The following FLT3 variants were observed in gnomAD, a reference collection of about 807,000 sequenced individuals.
The protein encoded by FLT3 is receptor-type tyrosine-protein kinase FLT3.
Under a neutral mutation model 126.6 loss-of-function variants are expected in FLT3, and 46 were observed. That is an observed-to-expected ratio of 0.36 (90% CI 0.29 to 0.46). The LOEUF is 0.46. FLT3 is among the 20% of genes least tolerant of loss of function. The pLI, the probability that FLT3 is intolerant of heterozygous loss-of-function variation, is 1.00. For missense variants in FLT3, 1,069 were observed against 1,190.3 expected (o/e 0.90, Z 1.50); for synonymous variants, 404 against 434.4 (o/e 0.93, Z 0.87).
At chr13:28,054,289 T>C (rs1164826243) in intron 4 of FLT3, among the ~76,000 whole-genome samples, 1 of 152,194 alleles carries the variant, frequency 6.6e-6, no homozygotes, top group Non-Finnish European at 1.5e-5. Context: ...GGTATTTCAT[T>C]GTGGTCTTAA....
At chr13:28,091,369 C>G (rs922954528) in intron 1 of FLT3, among the ~76,000 whole-genome samples, 1 of 149,080 alleles carries the variant, frequency 6.7e-6, no homozygotes, top group Admixed American at 6.7e-5. Flanking sequence ...CTACAGGCGC[C>G]CGCCACCACG....
chr13:28,028,497 G>C (rs894063267), intron 15 of FLT3, among the ~76,000 whole-genome samples: 1 of 152,090 alleles, frequency 6.6e-6, no homozygotes, highest in Non-Finnish European at 1.5e-5. Context: ...AGAAGTTCAA[G>C]ACTGGCCTGG....
chr13:28,072,396 T>G (rs1041055837), intron 1 of FLT3, among the ~76,000 whole-genome samples: 3 of 152,070 alleles, frequency 2.0e-5, no homozygotes, highest in South Asian at 2.1e-4. Context: ...TCGCTCTCTC[T>G]CTCTCTTTTT....
At chr13:28,063,895 A>G (rs1020959443) in intron 2 of FLT3, among the ~76,000 whole-genome samples, 3 of 152,206 alleles carry the variant, frequency 2.0e-5, no homozygotes, top group Admixed American at 1.3e-4. Flanking sequence ...GGGAGAAGAG[A>G]TTTCTAAGCC....
At chr13:28,045,854 C>A (rs1375414700) in intron 9 of FLT3, among the ~76,000 whole-genome samples, 117 of 125,744 alleles carry the variant, frequency 9.3e-4, no homozygotes, top group Non-Finnish European at 1.1e-3. Context: ...GACTCTGTCT[C>A]AAAAAAAAAA....
Position 28,100,374 on chromosome 13 carries a change from C to A in FLT3, c.43+94G>T, listed in dbSNP as rs1593317258. On this transcript the variant is annotated intron_variant, in intron 1 of 23. Coordinates refer to ENST00000241453, the MANE Select transcript of FLT3 (RefSeq NM_004119.3). The surrounding 1 kb of genome is among the most constrained non-coding windows in gnomAD (Gnocchi z 4.8). The stretch of plus-strand genomic sequence containing the variant: ...GGAGCGAGCGCGGGGAGGAGCGAGG[C>A]GGCTGGGCCGGAGGAGGCGCGCGCC... 4.6e-6 allele frequency: 4 copies of A among 864,846 alleles called. No homozygotes were observed. In the East Asian group the frequency reaches 1.1e-4, roughly 24 times the overall value. 53.6% of individuals were successfully genotyped at this position (864,846 alleles called of 1,614,324 possible).
intron 1 of FLT3, among the ~76,000 whole-genome samples, chr13:28,093,602 A>G (rs4334131): frequency 0.021 from 3,217 of 151,888 alleles, 71 homozygotes; most frequent in African/African-American, 0.061. Flanking sequence ...ATCTGTGGAA[A>G]ACTCCATTTG....
intron 17 of FLT3, among the ~76,000 whole-genome samples, chr13:28,026,167 A>C (rs976719722): frequency 2.0e-5 from 3 of 152,028 alleles, no homozygotes; most frequent in Non-Finnish European, 4.4e-5. Flanking sequence ...CCTGACCAAC[A>C]TGGTGAAACC....
intron 1 of FLT3, among the ~76,000 whole-genome samples, chr13:28,073,940 TAAA>T (rs747529463): frequency 3.8e-5 from 5 of 132,520 alleles, no homozygotes; most frequent in Admixed American, 1.5e-4. Context: ...ATCCTGCCTC[TAAA>T]AAAAAAAAAA....
In FLT3 at chr13:28,020,145, A is replaced by G. The variant is rs376396282; in HGVS notation, c.2419-1556T>C. Among the ~76,000 whole-genome samples the G allele has an allele frequency of 1.8e-3, 267 of 151,962 alleles. 2 individuals are homozygous for G. Among genetic ancestry groups the G allele is most frequent in the African/African-American group, 5.5e-3 (228 of 41,426 alleles). ...GATTCCATGCTTCCTATCCTATCCC[A>G]CATTCCCTGCTGGTTTTCCTTTTCC... is the stretch of plus-strand genomic sequence containing the variant. On this transcript the variant is annotated intron_variant, in intron 19 of 23. Coordinates refer to ENST00000241453, the MANE Select transcript of FLT3 (RefSeq NM_004119.3).
At chr13:28,033,290 T>C (rs1873519353) in intron 15 of FLT3, among the ~76,000 whole-genome samples, 1 of 41,680 alleles carries the variant, frequency 2.4e-5, no homozygotes, top group South Asian at 1.2e-3. Flanking sequence ...AGCAAGATCC[T>C]GTCTCTAAAA....
chr13:28,014,627 T>C (rs1312637714), intron 22 of FLT3, 70 bp from the exon 23 acceptor site: 2 of 1,053,162 alleles, frequency 1.9e-6, no homozygotes, highest in African/African-American at 1.6e-5. Context: ...ATTTTCCATA[T>C]AATGAAGCAC....
At chr13:28,014,698 A>G in intron 22 of FLT3, 141 bp from the exon 23 acceptor site, 1 of 611,614 alleles carries the variant, frequency 1.6e-6, no homozygotes, top group South Asian at 2.1e-5. Context: ...GTCCTCTACC[A>G]GATTTTGAAT....
chr13:28,051,308 G>A (rs1003493709), intron 5 of FLT3, among the ~76,000 whole-genome samples: 2 of 144,404 alleles, frequency 1.4e-5, no homozygotes, highest in African/African-American at 2.6e-5. Flanking sequence ...GCGATCTCGG[G>A]TCACTGCAAT....
chr13:28,071,198 C>T (rs968408855), intron 1 of FLT3, among the ~76,000 whole-genome samples: 5 of 149,850 alleles, frequency 3.3e-5, no homozygotes, highest in African/African-American at 4.9e-5. Context: ...TTAGTAGAGA[C>T]GGGGTATCGC....
chr13:28,076,532 C>A (rs1009143947), intron 1 of FLT3, among the ~76,000 whole-genome samples: 7 of 152,268 alleles, frequency 4.6e-5, no homozygotes, highest in Admixed American at 2.0e-4. Context: ...GCCTGAGAGC[C>A]CCCAGAAGGC....
intron 20 of FLT3, among the ~76,000 whole-genome samples, chr13:28,016,122 C>T (rs936652033): frequency 1.3e-5 from 2 of 152,092 alleles, no homozygotes; most frequent in Admixed American, 1.3e-4. Context: ...GAGCCCACGT[C>T]ATCACTTCCA....
At chr13:28,093,240 T>C (rs1242267811) in intron 1 of FLT3, among the ~76,000 whole-genome samples, 1 of 151,058 alleles carries the variant, frequency 6.6e-6, no homozygotes, top group East Asian at 1.9e-4. Flanking sequence ...TTTTTTTTTT[T>C]AATTAGAGAT....
intron 19 of FLT3, among the ~76,000 whole-genome samples, chr13:28,022,025 C>T (rs1376839642): frequency 6.6e-6 from 1 of 151,664 alleles, no homozygotes; most frequent in Non-Finnish European, 1.5e-5. Context: ...GCGTGAGCTA[C>T]CACGCCCGGC....
Sources: gnomAD v4.1 joint callset for allele counts (sites outside exome capture counted in the v4.1 genomes callset) on GRCh38, gnomAD v4.1.1 for gene constraint, Gnocchi (gnomAD v3.1) non-coding constraint, MANE v1.5 for transcripts, NCBI Gene and HGNC (gene_info 2026-07-23, HGNC 2026-07-21) for gene names.